SH3RF3: variants seen among roughly 807,000 people sequenced by gnomAD.
The protein encoded by SH3RF3 is SH3 domain containing ring finger 3, also known as E3 ubiquitin-protein ligase SH3RF3.
Under a neutral mutation model 66.3 loss-of-function variants are expected in SH3RF3, and 29 were observed. The ratio of observed to expected loss-of-function variants is 0.44; its 90% CI spans 0.33 to 0.60. SH3RF3 has a LOEUF of 0.60. Ranked by LOEUF, SH3RF3 falls within the 20% of genes least tolerant of loss-of-function variation. The pLI is 0.04. For missense variants in SH3RF3, 1,194 were observed against 1,190.9 expected (o/e 1.00, Z -0.04); for synonymous variants, 583 against 532.0 (o/e 1.10, Z -1.32).
chr2:109,194,688 G>A (rs1161399551), intron 1 of SH3RF3, among the ~76,000 whole-genome samples: 1 of 152,174 alleles, frequency 6.6e-6, no homozygotes, highest in Admixed American at 6.5e-5. Context: ...TTTCATCAGG[G>A]CAGGTGCTGA....
chr2:109,397,747 G>A (rs1276503948), intron 3 of SH3RF3, among the ~76,000 whole-genome samples: 2 of 152,222 alleles, frequency 1.3e-5, no homozygotes, highest in Non-Finnish European at 2.9e-5. Context: ...AGCCCCTCCA[G>A]GTGATGCCGC....
Position 109,503,430 on chromosome 2 carries a change from G to T in SH3RF3, c.*1759G>T, listed in dbSNP as rs982980311. On this transcript the variant is annotated 3_prime_UTR_variant, in exon 10 of 10. Coordinates refer to ENST00000309415, the MANE Select transcript of SH3RF3 (RefSeq NM_001099289.3). ...TTCCAGGTGGTCACCACACGGCGGGGGTCATGCCTTTCCCTCCCCCAAGAT... is the reference window on the plus strand; with the variant it reads ...TTCCAGGTGGTCACCACACGGCGGGTGTCATGCCTTTCCCTCCCCCAAGAT... 3 of 152,050 alleles carry T rather than the reference G, an allele frequency of 2.0e-5. No individual in the cohort carries two copies. Among genetic ancestry groups the T allele is most frequent in the African/African-American group, 4.8e-5 (2 of 41,394 alleles). The allele number at this position is 152,050 out of a possible 1,614,324, so 9.4% of individuals were successfully genotyped here. A position where few individuals can be genotyped will look rare whatever the true frequency, so the allele number is the denominator to read the frequency against.
chr2:109,445,854 A>G (rs1677691028), intron 7 of SH3RF3, among the ~76,000 whole-genome samples: 2 of 152,086 alleles, frequency 1.3e-5, no homozygotes, highest in Non-Finnish European at 2.9e-5. Context: ...GATGCAATAG[A>G]TCATTTATTC....
At chr2:109,259,624 T>G (rs1037421977) in intron 1 of SH3RF3, among the ~76,000 whole-genome samples, 1 of 152,246 alleles carries the variant, frequency 6.6e-6, no homozygotes, top group African/African-American at 2.4e-5. Context: ...TATGGAGAAG[T>G]TGGTGACAGG....
intron 1 of SH3RF3, among the ~76,000 whole-genome samples, chr2:109,194,322 C>G (rs1678442415): frequency 6.6e-6 from 1 of 152,236 alleles, no homozygotes; most frequent in African/African-American, 2.4e-5. Context: ...AAAGCTTGGG[C>G]TGCGGTGTCC....
At chr2:109,391,402 C>G (rs1675989744) in intron 3 of SH3RF3, among the ~76,000 whole-genome samples, 1 of 152,222 alleles carries the variant, frequency 6.6e-6, no homozygotes, top group East Asian at 1.9e-4. Flanking sequence ...GCAGGTCACC[C>G]ACAGGCTCGG....
intron 5 of SH3RF3, among the ~76,000 whole-genome samples, chr2:109,425,231 G>C (rs1050117779): frequency 6.6e-6 from 1 of 152,212 alleles, no homozygotes. Context: ...AGCTAGCAGA[G>C]GTTGGTTCGT....
intron 1 of SH3RF3, among the ~76,000 whole-genome samples, chr2:109,317,123 T>A (rs911019755): frequency 6.6e-6 from 1 of 152,182 alleles, no homozygotes; most frequent in African/African-American, 2.4e-5. Context: ...CATGAGTGGG[T>A]TTCTCATGAA....
At chr2:109,367,825 A>AT in intron 2 of SH3RF3, among the ~76,000 whole-genome samples, 1 of 152,312 alleles carries the variant, frequency 6.6e-6, no homozygotes, top group South Asian at 2.1e-4. Flanking sequence ...AGGAGTGGCT[A>AT]TTTGTAGCTC....
In SH3RF3 at chr2:109,491,081, G is replaced by C. The variant is rs553246923; in HGVS notation, c.2480+145G>C. On this transcript the variant is annotated intron_variant, in intron 9 of 9. Transcript: ENST00000309415. Reference sequence around the variant, plus strand: ...TCAACACCCAGATCCACATGGTCCCGAGCTTGGGTGGTGAGTGCTGGATGA... The same window carrying C: ...TCAACACCCAGATCCACATGGTCCCCAGCTTGGGTGGTGAGTGCTGGATGA... 2.9e-5 allele frequency: 21 copies of C among 727,276 alleles called. No individual in the cohort carries two copies. In the African/African-American group the frequency reaches 3.4e-4, roughly 12 times the overall value. The allele number at this position is 727,276 out of a possible 1,614,324, so 45.1% of individuals were successfully genotyped here. A position where few individuals can be genotyped will look rare whatever the true frequency, so the allele number is the denominator to read the frequency against.
intron 1 of SH3RF3, among the ~76,000 whole-genome samples, chr2:109,155,745 T>C (rs1286682535): frequency 6.6e-6 from 1 of 152,050 alleles, no homozygotes; most frequent in African/African-American, 2.4e-5. Flanking sequence ...AAAAAGGGAG[T>C]TCCCACATCC....
In SH3RF3 at chr2:109,163,600, C is replaced by T. The variant is rs185559199; in HGVS notation, c.573+33487C>T. Among the ~76,000 whole-genome samples the T allele has an allele frequency of 6.7e-3, 1,007 of 151,380 alleles. 11 individuals carry two copies. The highest frequency in any genetic ancestry group is 0.023 in the African/African-American group (934 of 41,264). On this transcript the variant is annotated intron_variant, in intron 1 of 9. Transcript: ENST00000309415. The stretch of plus-strand genomic sequence containing the variant: ...ATTTTTAGTAGAGACGGGGTTTCAC[C>T]GTTTTAGCCGGGATGGTCTCGATCT...
chr2:109,364,507 G>A (rs901999944), intron 2 of SH3RF3, among the ~76,000 whole-genome samples: 1 of 152,164 alleles, frequency 6.6e-6, no homozygotes, highest in Non-Finnish European at 1.5e-5. Context: ...TCAAACTGTG[G>A]GGTTTTTTGC....
intron 8 of SH3RF3, among the ~76,000 whole-genome samples, chr2:109,474,872 T>C (rs1279478412): frequency 1.3e-5 from 2 of 152,110 alleles, no homozygotes; most frequent in African/African-American, 4.8e-5. Flanking sequence ...CCAGCAACCC[T>C]CCAGAGCCAG....
intron 4 of SH3RF3, among the ~76,000 whole-genome samples, chr2:109,414,554 G>A (rs950692709): frequency 6.6e-6 from 1 of 152,130 alleles, no homozygotes; most frequent in Non-Finnish European, 1.5e-5. Context: ...CACAAACACA[G>A]GTCACACACC....
At chr2:109,181,191 G>A (rs1189231165) in intron 1 of SH3RF3, among the ~76,000 whole-genome samples, 1 of 152,110 alleles carries the variant, frequency 6.6e-6, no homozygotes, top group Non-Finnish European at 1.5e-5. Flanking sequence ...AAATAAACCT[G>A]TTATTTGGGA....
chr2:109,396,665 G>A (rs960326423), intron 3 of SH3RF3, among the ~76,000 whole-genome samples: 1 of 152,214 alleles, frequency 6.6e-6, no homozygotes, highest in Admixed American at 6.5e-5. Flanking sequence ...CAGCATTGAG[G>A]GGAATCTCCT....
chr2:109,314,076 C>T (rs552790977), intron 1 of SH3RF3, among the ~76,000 whole-genome samples: 1 of 151,942 alleles, frequency 6.6e-6, no homozygotes, highest in Non-Finnish European at 1.5e-5. Context: ...GCCGTGAGAC[C>T]CGGGGCAAGT....
chr2:109,343,830 G>A (rs1017796420), intron 1 of SH3RF3, among the ~76,000 whole-genome samples: 3 of 151,042 alleles, frequency 2.0e-5, no homozygotes, highest in Admixed American at 1.3e-4. Context: ...CTGCAGCCTC[G>A]AACTCCCAGG....
Sources: gnomAD v4.1 joint callset for allele counts (sites outside exome capture counted in the v4.1 genomes callset) on GRCh38, gnomAD v4.1.1 for gene constraint, MANE v1.5 for transcripts, NCBI Gene and HGNC (gene_info 2026-07-23, HGNC 2026-07-21) for gene names.